The following TMPRSS7 variants were observed in gnomAD, a reference collection of about 807,000 sequenced individuals.
TMPRSS7 encodes transmembrane serine protease 7.
Under a neutral mutation model 95.6 loss-of-function variants are expected in TMPRSS7, and 81 were observed. The observed-to-expected ratio is 0.85, with a 90% CI of 0.71 to 1.02. TMPRSS7 has a LOEUF of 1.02. Among genes scored for constraint, TMPRSS7 ranks in the 50% least tolerant of loss-of-function variants. The pLI, the probability that TMPRSS7 is intolerant of heterozygous loss-of-function variation, is 0.00. For synonymous variants in TMPRSS7, 364 were observed against 337.8 expected (o/e 1.08, Z -0.85); for missense variants, 945 against 955.2 (o/e 0.99, Z 0.14).
intron 1 of TMPRSS7, among the ~76,000 whole-genome samples, chr3:112,035,292 A>G (rs1320268197): frequency 6.6e-6 from 1 of 152,210 alleles, no homozygotes; most frequent in Non-Finnish European, 1.5e-5. Flanking sequence ...GATACCATCG[A>G]CAACTCATTC....
intron 10 of TMPRSS7, among the ~76,000 whole-genome samples, chr3:112,057,342 G>A (rs1412504137): frequency 6.6e-6 from 1 of 152,206 alleles, no homozygotes; most frequent in Non-Finnish European, 1.5e-5. Context: ...CCCCACCACT[G>A]CTCTCTGCTG....
intron 10 of TMPRSS7, among the ~76,000 whole-genome samples, chr3:112,061,103 C>T (rs537099344): frequency 7.5e-4 from 114 of 152,180 alleles, no homozygotes; most frequent in Admixed American, 2.1e-3. Flanking sequence ...CTACACAGGG[C>T]GGTGGACTAA....
At chr3:112,074,457 GT>G (rs1488094448) in intron 14 of TMPRSS7, 45 bp downstream of exon 14, 1 of 1,417,908 alleles carries the variant, frequency 7.1e-7, no homozygotes, top group Non-Finnish European at 9.8e-7. Context: ...TCCCTCTTCA[GT>G]TTACCTGTTT....
Position 112,040,946 on chromosome 3 carries a change from T to C in TMPRSS7, c.299-974T>C, listed in dbSNP as rs576434524. Among the ~76,000 whole-genome samples the C allele has an allele frequency of 1.2e-4, 19 of 152,276 alleles. No individual in the cohort carries two copies. The South Asian group carries it at 1.9e-3, about 15-fold the overall frequency. On this transcript the variant is annotated intron_variant, in intron 2 of 17. Transcript: ENST00000452346. ...GAAGAGTTAGGTAAATGTAGTCTGA[T>C]TGAATGCTAAATTAATTGATCTTTC...
In TMPRSS7 at chr3:112,076,974, A is replaced by C. The variant is rs767547574; in HGVS notation, c.2054A>C (p.Tyr685Ser). 123 of 1,614,062 alleles carry C rather than the reference A, an allele frequency of 7.6e-5. 1 individual carries two copies. Among genetic ancestry groups the C allele is most frequent in the South Asian group, 3.6e-4 (33 of 91,082 alleles). Residue 685 changes from tyrosine (Y) to serine (S), a missense_variant, in exon 16 of 18, where the codon TAC (tyrosine) becomes TCC (serine). Transcript: ENST00000452346. ...GTGAGAAGAATTGTGGTCCACGAGT[A>C]CTATAACAGTCAGACTTTTGATTAT... is the stretch of plus-strand genomic sequence containing the variant.
exon 4 of TMPRSS7, chr3:112,044,284 C>G (rs1193094770): frequency 6.4e-7 from 1 of 1,551,106 alleles, no homozygotes; most frequent in African/African-American, 1.4e-5. Context: ...CATCTGCCTT[C>G]TCCAAATTTT....
intron 16 of TMPRSS7, 86 bp downstream of exon 16, chr3:112,077,230 T>C: frequency 6.9e-7 from 1 of 1,457,374 alleles, no homozygotes; most frequent in Non-Finnish European, 9.4e-7. Flanking sequence ...ACAGAGAGGG[T>C]TTGTGTATAT....
At chr3:112,055,072 A>G (rs1016768052) in intron 9 of TMPRSS7, among the ~76,000 whole-genome samples, 1 of 152,072 alleles carries the variant, frequency 6.6e-6, no homozygotes, top group Non-Finnish European at 1.5e-5. Context: ...AGAAATAACC[A>G]GATGAGAAGA....
chr3:112,045,743 G>T lies in TMPRSS7; in HGVS notation c.498-7G>T. The T allele has an allele frequency of 2.6e-6, 4 of 1,534,932 alleles. No individual in the cohort carries two copies. The highest frequency in any genetic ancestry group is 2.6e-6 in the Non-Finnish European group (3 of 1,140,620). The stretch of plus-strand genomic sequence containing the variant: ...GGTCCCTGATGATCTCTCTTTTTTC[G>T]TTATAGCAGCAACAACAAAGGCGGC... On this transcript the variant is annotated splice_region_variant and splice_polypyrimidine_tract_variant and intron_variant, in intron 4 of 17. Transcript: ENST00000452346.
chr3:112,052,103 A>T (rs770832515), intron 9 of TMPRSS7, among the ~76,000 whole-genome samples: 2 of 152,092 alleles, frequency 1.3e-5, no homozygotes, highest in Non-Finnish European at 2.9e-5. Flanking sequence ...TATGTCTCGT[A>T]ATGATAAAAT....
chr3:112,058,386 G>A (rs567474677), intron 10 of TMPRSS7, among the ~76,000 whole-genome samples: 5 of 152,290 alleles, frequency 3.3e-5, no homozygotes, highest in East Asian at 1.9e-4. Flanking sequence ...CAGCTCTATC[G>A]TTTAGTAGCT....
chr3:112,051,653 T>TATC (rs754454843), intron 9 of TMPRSS7, among the ~76,000 whole-genome samples: 7,476 of 89,970 alleles, frequency 0.083, 252 homozygotes, highest in South Asian at 0.12. Context: ...TCTATCTATC[T>TATC]ATCTATCTAT....
chr3:112,066,808 A>T (rs1450081281), intron 13 of TMPRSS7, among the ~76,000 whole-genome samples: 1 of 151,848 alleles, frequency 6.6e-6, no homozygotes, highest in Non-Finnish European at 1.5e-5. Context: ...ATTTTATTTT[A>T]GTGTTGAAAA....
At chr3:112,061,680 CTGTT>C in intron 10 of TMPRSS7, 103 bp from the exon 11 acceptor site, 2 of 1,268,094 alleles carry the variant, frequency 1.6e-6, no homozygotes, top group Non-Finnish European at 2.2e-6. Flanking sequence ...ATACGCATCT[CTGTT>C]TGTGAAAACC....
chr3:112,076,842 C>G, intron 15 of TMPRSS7, 34 bp from the exon 16 acceptor site: 2 of 1,599,968 alleles, frequency 1.3e-6, no homozygotes, highest in Admixed American at 1.7e-5. Context: ...GTTCTTTAAG[C>G]TGCTAACTTT....
rs2073579328 is a variant in TMPRSS7 at position 112,066,598 on chromosome 3, A to G, written c.1666+96A>G. The G allele has an allele frequency of 2.7e-6, 3 of 1,106,676 alleles. No homozygotes were observed. In the East Asian group the frequency reaches 7.5e-5, roughly 28 times the overall value. The allele number at this position is 1,106,676 out of a possible 1,614,324, so 68.6% of individuals were successfully genotyped here. The stretch of plus-strand genomic sequence containing the variant: ...TGATGGGTTAGGGGTTAGGGCAATC[A>G]ACTTGTCCCAGGTTCTCTGGAACTT... On this transcript the variant is annotated intron_variant, in intron 13 of 17. Transcript: ENST00000452346.
intron 15 of TMPRSS7, among the ~76,000 whole-genome samples, chr3:112,075,975 T>TG (rs949338896): frequency 5.0e-4 from 76 of 152,342 alleles, no homozygotes; most frequent in African/African-American, 1.8e-3. Context: ...ATTTTTTTTT[T>TG]AGTATTTCAA....
intron 11 of TMPRSS7, among the ~76,000 whole-genome samples, 164 bp downstream of exon 11, chr3:112,062,087 A>C (rs2073515957): frequency 6.6e-6 from 1 of 151,312 alleles, no homozygotes; most frequent in African/African-American, 2.4e-5. Context: ...AATACAAATA[A>C]ATATAACAAA....
chr3:112,051,341 A>G (rs1053762691), intron 9 of TMPRSS7, among the ~76,000 whole-genome samples: 8 of 152,178 alleles, frequency 5.3e-5, no homozygotes, highest in African/African-American at 1.9e-4. Flanking sequence ...TTTAAAGTAT[A>G]TAGAGGATGT....
Sources: gnomAD v4.1 joint callset for allele counts (sites outside exome capture counted in the v4.1 genomes callset) on GRCh38, gnomAD v4.1.1 for gene constraint, MANE v1.5 for transcripts, NCBI Gene and HGNC (gene_info 2026-07-23, HGNC 2026-07-21) for gene names.